The following GLG1 variants were observed in gnomAD, a reference collection of about 807,000 sequenced individuals.
GLG1 encodes the protein Golgi apparatus protein 1.
In GLG1, 38 loss-of-function variants were observed where a neutral mutation model predicts 160.5. The observed-to-expected ratio is 0.24, with a 90% CI of 0.18 to 0.31. GLG1 has a LOEUF of 0.31. GLG1 is among the 10% of genes least tolerant of loss of function. GLG1 has a pLI of 1.00. For synonymous variants in GLG1, 644 were observed against 543.4 expected (o/e 1.19, Z -2.57); for missense variants, 1,373 against 1,505.2 (o/e 0.91, Z 1.45).
intron 1 of GLG1, among the ~76,000 whole-genome samples, chr16:74,585,709 CA>C (rs556357835): frequency 0.37 from 37,081 of 99,820 alleles, 4,394 homozygotes; most frequent in South Asian, 0.48. Context: ...GACTCCGTCT[CA>C]AAAAAAAAAA....
chr16:74,563,275 T>C (rs938229717), intron 1 of GLG1: 1 of 152,118 alleles, frequency 6.6e-6, no homozygotes, highest in Non-Finnish European at 1.5e-5. Context: ...TTAGGAATTT[T>C]AATGGTTCTG....
At chr16:74,601,639 G>A (rs1958443418) in intron 1 of GLG1, among the ~76,000 whole-genome samples, 1 of 152,144 alleles carries the variant, frequency 6.6e-6, no homozygotes. Context: ...GTTGGGATTT[G>A]AAACTCTTTT....
At chr16:74,524,550 A>T (rs965011420) in intron 2 of GLG1, among the ~76,000 whole-genome samples, 7 of 149,940 alleles carry the variant, frequency 4.7e-5, no homozygotes, top group Admixed American at 6.6e-5. Flanking sequence ...TTTTTTTTTT[A>T]AAGTCCTTAT....
chr16:74,523,755 T>C (rs2017246955), intron 2 of GLG1, among the ~76,000 whole-genome samples: 1 of 152,008 alleles, frequency 6.6e-6, no homozygotes, highest in African/African-American at 2.4e-5. Flanking sequence ...TATATAAAAG[T>C]ACAATTAAAT....
intron 24 of GLG1, among the ~76,000 whole-genome samples, chr16:74,457,570 G>A (rs1407327578): frequency 6.6e-6 from 1 of 152,118 alleles, no homozygotes; most frequent in Non-Finnish European, 1.5e-5. Flanking sequence ...TCGGCACCAG[G>A]AAAAGGACCA....
At chr16:74,512,314 G>T (rs953178313) in intron 2 of GLG1, among the ~76,000 whole-genome samples, 2 of 151,310 alleles carry the variant, frequency 1.3e-5, no homozygotes, top group Admixed American at 6.6e-5. Context: ...TAGAAGTACA[G>T]TGATGCAAGT....
At chr16:74,591,403 T>G (rs1337148406) in intron 1 of GLG1, among the ~76,000 whole-genome samples, 1 of 151,116 alleles carries the variant, frequency 6.6e-6, no homozygotes, top group African/African-American at 2.4e-5. Context: ...CTGAGGCAGG[T>G]GGATCACAAG....
chr16:74,546,908 A>C (rs2018064599), intron 1 of GLG1, among the ~76,000 whole-genome samples: 1 of 150,818 alleles, frequency 6.6e-6, no homozygotes, highest in South Asian at 2.1e-4. Context: ...CCACCATTTT[A>C]ATGAAGTTTG....
chr16:74,467,150 C>T (rs1026915337), intron 18 of GLG1, among the ~76,000 whole-genome samples: 1 of 152,222 alleles, frequency 6.6e-6, no homozygotes, highest in Non-Finnish European at 1.5e-5. Flanking sequence ...CTTATATTGA[C>T]ATCAGACTTT....
intron 1 of GLG1, among the ~76,000 whole-genome samples, chr16:74,549,557 A>T (rs1418107427): frequency 6.6e-6 from 1 of 152,184 alleles, no homozygotes; most frequent in Non-Finnish European, 1.5e-5. Flanking sequence ...AGGTGCCAAG[A>T]TTACAGGCGT....
At chr16:74,578,371 ATG>A (rs1204239426) in intron 1 of GLG1, among the ~76,000 whole-genome samples, 2 of 152,198 alleles carry the variant, frequency 1.3e-5, no homozygotes, top group African/African-American at 4.8e-5. Flanking sequence ...GCTTTGTAGG[ATG>A]TCTTACTTTA....
At position 74,451,069 on chromosome 16, in the gene GLG1, A is replaced by G. The variant is rs2014274876; in HGVS notation, c.*2098T>C. On this transcript the variant is annotated 3_prime_UTR_variant, in exon 26 of 26. Coordinates refer to ENST00000422840, the MANE Select transcript of GLG1 (RefSeq NM_001145667.2). ...ATCCATCCTACCTGCAAACCACACC[A>G]GGCACGTCCGTAGGCACCTCCATGT... 1 of 152,380 alleles carries G rather than the reference A, an allele frequency of 6.6e-6. No homozygotes were observed. The highest frequency in any genetic ancestry group is 2.4e-5 in the African/African-American group (1 of 41,566). 9.4% of individuals were successfully genotyped at this position (152,380 alleles called of 1,614,324 possible).
In GLG1 at chr16:74,452,382, G is replaced by C. The variant is rs1567449832; in HGVS notation, c.*785C>G. The C allele has an allele frequency of 1.6e-6, 2 of 1,286,554 alleles. No individual in the cohort carries two copies. The highest frequency in any genetic ancestry group is 3.3e-5 in the East Asian group (1 of 30,628). 79.7% of individuals were successfully genotyped at this position (1,286,554 alleles called of 1,614,324 possible). A position where few individuals can be genotyped will look rare whatever the true frequency, so the allele number is the denominator to read the frequency against. The stretch of plus-strand genomic sequence containing the variant: ...TCCAGCCTCTCAGTGCAGATGGATG[G>C]ACTGTTCAACTTCACAAACTTCCGG... On this transcript the variant is annotated 3_prime_UTR_variant, in exon 26 of 26. Coordinates refer to ENST00000422840, the MANE Select transcript of GLG1 (RefSeq NM_001145667.2).
rs186509210 is a variant in GLG1 at position 74,570,728 on chromosome 16, T to G, written c.438+35929A>C. Among the ~76,000 whole-genome samples the G allele has an allele frequency of 7.2e-5, 11 of 152,184 alleles. No homozygotes were observed. In the East Asian group the frequency reaches 1.9e-3, roughly 27 times the overall value. ...TTGGTCAACATAGTGGGACCCTGTC[T>G]CTATAAAAAATCAGCCAGGTGTGGT... is the stretch of plus-strand genomic sequence containing the variant. On this transcript the variant is annotated intron_variant, in intron 1 of 25. Coordinates refer to ENST00000422840, the MANE Select transcript of GLG1 (RefSeq NM_001145667.2).
chr16:74,575,190 G>C (rs181645032), intron 1 of GLG1, among the ~76,000 whole-genome samples: 3 of 151,868 alleles, frequency 2.0e-5, no homozygotes, highest in Admixed American at 1.3e-4. Context: ...AGGCTGTAGT[G>C]AGCTGAGATC....
In GLG1 at chr16:74,531,538, GCTGGTCTCAAACTC is replaced by G. The variant is rs757835452; in HGVS notation, c.471+569_471+582del. Among the ~76,000 whole-genome samples, 4 of 152,102 alleles carry G rather than the reference GCTGGTCTCAAACTC, an allele frequency of 2.6e-5. No individual in the cohort carries two copies. In the East Asian group the frequency reaches 7.7e-4, roughly 29 times the overall value. ...AGACAGGATTCTCCATGTTGGCTGG[GCTGGTCTCAAACTC>G]CTGGTCTCAAGTGATCTACCTGCCT... On this transcript the variant is annotated intron_variant, in intron 2 of 25. Coordinates refer to ENST00000422840, the MANE Select transcript of GLG1 (RefSeq NM_001145667.2).
chr16:74,530,142 C>T (rs2017485842), intron 2 of GLG1, among the ~76,000 whole-genome samples: 1 of 151,998 alleles, frequency 6.6e-6, no homozygotes, highest in Non-Finnish European at 1.5e-5. Flanking sequence ...CAACTTTTTT[C>T]TGGGTTTCTC....
At chr16:74,496,391 A>C (rs1325889045) in intron 5 of GLG1, 50 bp downstream of exon 5, 2 of 1,197,414 alleles carry the variant, frequency 1.7e-6, no homozygotes, top group East Asian at 2.4e-5. Flanking sequence ...ACAAAATTAT[A>C]TATGTGTAAA....
At chr16:74,512,786 A>G (rs893488126) in intron 2 of GLG1, among the ~76,000 whole-genome samples, 6 of 152,198 alleles carry the variant, frequency 3.9e-5, no homozygotes, top group Non-Finnish European at 7.3e-5. Flanking sequence ...ATAAAAATAT[A>G]GTGTGATAAA....
Sources: allele counts gnomAD v4.1 joint callset (sites outside exome capture counted in the v4.1 genomes callset), GRCh38; gene constraint gnomAD v4.1.1; transcripts MANE v1.5; gene names NCBI Gene and HGNC (gene_info 2026-07-23, HGNC 2026-07-21).